Variants in DAB1 observed in about 807,000 individuals in gnomAD.
DAB1 encodes the protein disabled homolog 1.
In DAB1, 15 loss-of-function variants were observed where a neutral mutation model predicts 64.6. The observed-to-expected ratio is 0.23, with a 90% confidence interval of 0.16 to 0.36. The LOEUF (loss-of-function observed/expected upper bound fraction) is 0.36, where lower values mean the gene tolerates loss of function less well. DAB1 is among the 10% of genes least tolerant of loss of function. The pLI is 1.00. For missense variants in DAB1, 596 were observed against 706.7 expected (o/e 0.84, Z 1.78); for synonymous variants, 235 against 251.9 (o/e 0.93, Z 0.64).
intron 4 of DAB1, among the ~76,000 whole-genome samples, chr1:58,299,600 C>T (rs932196000): frequency 6.6e-6 from 1 of 152,194 alleles, no homozygotes; most frequent in Non-Finnish European, 1.5e-5. Context: ...TAGGGGCACA[C>T]AGTCAGAGCC....
At chr1:58,219,023 CTCTGTGTG>C (rs1455722246) in intron 4 of DAB1, among the ~76,000 whole-genome samples, 1 of 115,400 alleles carries the variant, frequency 8.7e-6, no homozygotes, top group Non-Finnish European at 1.8e-5. Flanking sequence ...CTCTCTCTCT[CTCTGTGTG>C]TGTGTGTGTG....
chr1:58,428,240 T>C (rs1644839217), intron 3 of DAB1, among the ~76,000 whole-genome samples: 1 of 152,178 alleles, frequency 6.6e-6, no homozygotes, highest in Non-Finnish European at 1.5e-5. Flanking sequence ...CTGGACATAG[T>C]GTGTTTCCCA....
At chr1:58,042,849 G>T (rs561027408) in intron 5 of DAB1, among the ~76,000 whole-genome samples, 1 of 152,180 alleles carries the variant, frequency 6.6e-6, no homozygotes, top group African/African-American at 2.4e-5. Flanking sequence ...TAAGTGAGGC[G>T]GAGGGGAGGC....
chr1:57,898,917 A>G (rs1644432852), intron 5 of DAB1, among the ~76,000 whole-genome samples: 2 of 152,124 alleles, frequency 1.3e-5, no homozygotes, highest in Non-Finnish European at 2.9e-5. Context: ...AACAAATTCA[A>G]TCTTTTCCTC....
At chr1:58,330,490 G>A (rs1177927088) in intron 4 of DAB1, among the ~76,000 whole-genome samples, 1 of 152,198 alleles carries the variant, frequency 6.6e-6, no homozygotes, top group Non-Finnish European at 1.5e-5. Context: ...TTTCAATTTA[G>A]ATGAAATAGC....
At chr1:57,744,653 T>G (rs1648176613) in intron 6 of DAB1, among the ~76,000 whole-genome samples, 1 of 152,164 alleles carries the variant, frequency 6.6e-6, no homozygotes, top group African/African-American at 2.4e-5. Flanking sequence ...CTCGGCATCT[T>G]GCTCCTTGGG....
rs552244359 is a variant in DAB1 at position 57,231,199 on chromosome 1, C to T, written c.67+59765G>A. ...CATATACAAAATATTAGAGAACATT[C>T]TTTCCCAAAATTAGATTGAGCATAA... On this transcript the variant is annotated intron_variant, in intron 2 of 14. Transcript: ENST00000371236. Among the ~76,000 whole-genome samples the T allele has an allele frequency of 2.0e-5, 3 of 152,276 alleles. No homozygotes were observed. In the East Asian group the frequency reaches 5.8e-4, roughly 29 times the overall value.
At chr1:57,332,329 T>G (rs1676740577) in intron 1 of DAB1, among the ~76,000 whole-genome samples, 1 of 151,766 alleles carries the variant, frequency 6.6e-6, no homozygotes, top group African/African-American at 2.4e-5. Flanking sequence ...GAGGTCTCTG[T>G]TATTCATAAC....
chr1:57,026,494 A>G (rs1646793667), intron 9 of DAB1, among the ~76,000 whole-genome samples: 1 of 152,150 alleles, frequency 6.6e-6, no homozygotes, highest in African/African-American at 2.4e-5. Flanking sequence ...TCCCAATAGC[A>G]TTCACCCTGA....
intron 5 of DAB1, among the ~76,000 whole-genome samples, chr1:58,011,891 A>C (rs1021601594): frequency 6.6e-6 from 1 of 152,068 alleles, no homozygotes; most frequent in African/African-American, 2.4e-5. Flanking sequence ...GGGTTTTGCT[A>C]TGTTGGCTAG....
intron 6 of DAB1, among the ~76,000 whole-genome samples, chr1:57,675,840 G>A (rs1192115987): frequency 1.3e-5 from 2 of 152,082 alleles, no homozygotes; most frequent in African/African-American, 2.4e-5. Context: ...CCCAAGTGAG[G>A]GACAGGAATA....
At chr1:57,375,460 GA>G (rs1170703726) in intron 1 of DAB1, among the ~76,000 whole-genome samples, 1 of 152,196 alleles carries the variant, frequency 6.6e-6, no homozygotes, top group African/African-American at 2.4e-5. Context: ...AGAGTTATAT[GA>G]TGCTTGCTAT....
chr1:57,977,739 AT>A (rs1195252505), intron 5 of DAB1, among the ~76,000 whole-genome samples: 2 of 152,152 alleles, frequency 1.3e-5, no homozygotes, highest in African/African-American at 2.4e-5. Flanking sequence ...AATTGCCTTC[AT>A]CCATAATTAT....
chr1:57,410,054 C>A (rs72909216), intron 1 of DAB1, among the ~76,000 whole-genome samples: 13,952 of 151,954 alleles, frequency 0.092, 675 homozygotes, highest in Middle Eastern at 0.13. Context: ...TGATTTCGTG[C>A]AATTCCTTTG....
At chr1:58,302,807 G>T (rs1381344598) in intron 4 of DAB1, among the ~76,000 whole-genome samples, 1 of 152,056 alleles carries the variant, frequency 6.6e-6, no homozygotes, top group Non-Finnish European at 1.5e-5. Context: ...TATTATTGTT[G>T]CTATTTTCAT....
chr1:58,071,960 T>C (rs905146146), intron 5 of DAB1, among the ~76,000 whole-genome samples: 9 of 151,888 alleles, frequency 5.9e-5, no homozygotes, highest in African/African-American at 1.7e-4. Context: ...TCTTGAAGCT[T>C]ACATTCTAGT....
At chr1:58,267,499 A>C (rs1194172232) in intron 4 of DAB1, among the ~76,000 whole-genome samples, 1 of 152,136 alleles carries the variant, frequency 6.6e-6, no homozygotes, top group Non-Finnish European at 1.5e-5. Context: ...TCTTTCAAAA[A>C]AGTTCCCTTG....
At chr1:57,966,680 C>A (rs1056949071) in intron 5 of DAB1, among the ~76,000 whole-genome samples, 1 of 152,094 alleles carries the variant, frequency 6.6e-6, no homozygotes, top group Admixed American at 6.5e-5. Flanking sequence ...AACTCGAATG[C>A]CAAGGAGATT....
intron 7 of DAB1, among the ~76,000 whole-genome samples, chr1:57,527,406 C>T (rs554080682): frequency 1.3e-5 from 2 of 152,282 alleles, no homozygotes; most frequent in East Asian, 3.9e-4. Context: ...GTATGCAACA[C>T]ACATTTTCCC....
Sources: allele counts gnomAD v4.1 joint callset (sites outside exome capture counted in the v4.1 genomes callset), GRCh38; gene constraint gnomAD v4.1.1; transcripts MANE v1.5; gene names NCBI Gene and HGNC (gene_info 2026-07-23, HGNC 2026-07-21).